The following ADARB2 variants were observed in gnomAD, a reference collection of about 807,000 sequenced individuals.
ADARB2 encodes the protein adenosine deaminase RNA specific B2 (inactive).
Under a neutral mutation model 62.2 loss-of-function variants are expected in ADARB2, and 25 were observed. The ratio of observed to expected loss-of-function variants is 0.40; its 90% confidence interval spans 0.29 to 0.56. The LOEUF (loss-of-function observed/expected upper bound fraction) is 0.56. Ranked by LOEUF, ADARB2 falls within the 20% of genes least tolerant of loss-of-function variation. ADARB2 has a pLI of 0.43. For missense variants in ADARB2, 1,071 were observed against 1,077.4 expected, an observed-to-expected ratio of 0.99 and a Z score of 0.08; for synonymous variants, 572 against 500.8, an observed-to-expected ratio of 1.14 and a Z score of -1.90.
chr10:1,344,583 G>A (rs753046774), intron 3 of ADARB2, among the ~76,000 whole-genome samples: 1 of 152,202 alleles, frequency 6.6e-6, no homozygotes, highest in African/African-American at 2.4e-5. Context: ...GCAGGAGGCC[G>A]ACCCCAGCAC....
intron 6 of ADARB2, among the ~76,000 whole-genome samples, chr10:1,218,475 A>G (rs1830653278): frequency 6.6e-6 from 1 of 152,236 alleles, no homozygotes; most frequent in Admixed American, 6.5e-5. Context: ...ACGTAAGTGA[A>G]TATTAAATGC....
chr10:1,685,685 G>A (rs2119120937), intron 1 of ADARB2, among the ~76,000 whole-genome samples: 1 of 152,354 alleles, frequency 6.6e-6, no homozygotes, highest in Admixed American at 6.5e-5. Context: ...ACAGAGAAAA[G>A]GGAGGCGACG....
chr10:1,433,337 G>T (rs567904368), intron 1 of ADARB2, among the ~76,000 whole-genome samples: 1 of 152,142 alleles, frequency 6.6e-6, no homozygotes, highest in Non-Finnish European at 1.5e-5. Flanking sequence ...TGCCCCACAA[G>T]CCTGCAGGGA....
chr10:1,531,665 TG>T (rs1832242194), intron 1 of ADARB2, among the ~76,000 whole-genome samples: 1 of 152,082 alleles, frequency 6.6e-6, no homozygotes, highest in South Asian at 2.1e-4. Context: ...GATGAAACCC[TG>T]ACTCTACTAA....
At chr10:1,700,313 T>C (rs371625223) in intron 1 of ADARB2, among the ~76,000 whole-genome samples, 12 of 5,202 alleles carry the variant, frequency 2.3e-3, no homozygotes, top group African/African-American at 8.5e-3. Context: ...AATCCCACTC[T>C]ACCAGGAGAC....
chr10:1,640,290 G>A (rs1001423668), intron 1 of ADARB2, among the ~76,000 whole-genome samples: 1 of 152,156 alleles, frequency 6.6e-6, no homozygotes, highest in Admixed American at 6.5e-5. Flanking sequence ...CCTTCTGAAC[G>A]CCTGCTTCTT....
At chr10:1,715,963 C>T (rs929473901) in intron 1 of ADARB2, among the ~76,000 whole-genome samples, 3 of 152,228 alleles carry the variant, frequency 2.0e-5, no homozygotes, top group Admixed American at 2.0e-4. Context: ...ACTTGGTGCA[C>T]CCTGTTCATT....
At chr10:1,402,269 G>T (rs997808537) in intron 1 of ADARB2, among the ~76,000 whole-genome samples, 3 of 152,178 alleles carry the variant, frequency 2.0e-5, no homozygotes, top group African/African-American at 7.2e-5. Flanking sequence ...TGCGCGCGCC[G>T]GTCTGGCCAG....
At chr10:1,558,661 C>T (rs1315567663) in intron 1 of ADARB2, among the ~76,000 whole-genome samples, 1 of 128,722 alleles carries the variant, frequency 7.8e-6, no homozygotes, top group Non-Finnish European at 1.7e-5. Context: ...GGGTGCTCAG[C>T]ACCCCCATGC....
rs1489745405 is a variant in ADARB2 at position 1,209,547 on chromosome 10, ATGCCATCACCCACACCCACAT to A, written c.1682+7383_1682+7403del. ...CACACCTACAGCCTCGCCCACACCC[ATGCCATCACCCACACCCACAT>A]CATCACCCACACTCTCACCATCACC... On this transcript the variant is annotated intron_variant, in intron 7 of 9. Coordinates refer to ENST00000381312, the MANE Select transcript of ADARB2 (RefSeq NM_018702.4). 1.1e-4 allele frequency among the ~76,000 whole-genome samples: 4 copies of A among 35,790 alleles called. No homozygotes were observed. In the South Asian group the frequency reaches 2.7e-3, roughly 24 times the overall value. 23.5% of individuals were successfully genotyped at this position (35,790 alleles called of 152,430 possible).
At chr10:1,314,688 G>C (rs1222818652) in intron 3 of ADARB2, among the ~76,000 whole-genome samples, 1 of 152,206 alleles carries the variant, frequency 6.6e-6, no homozygotes, top group African/African-American at 2.4e-5. Context: ...TGTGATGATA[G>C]TCTGCCAACC....
rs1196466286 is a variant in ADARB2, at chr10:1,554,895, C to G, written c.101-175735G>C. On this transcript the variant is annotated intron_variant, in intron 1 of 9. Coordinates refer to ENST00000381312, the MANE Select transcript of ADARB2 (RefSeq NM_018702.4). ...GTTTTTCAACCCTGTCCCCCTGCCCCCTCCCAGGGTCCATTGCTCCCATCT... is the reference window on the plus strand; with the variant it reads ...GTTTTTCAACCCTGTCCCCCTGCCCGCTCCCAGGGTCCATTGCTCCCATCT... Among the ~76,000 whole-genome samples, 4 of 152,230 alleles carry G rather than the reference C, an allele frequency of 2.6e-5. No individual in the cohort carries two copies. The East Asian group carries it at 7.7e-4, about 29-fold the overall frequency.
At chr10:1,666,892 GA>G (rs1252457231) in intron 1 of ADARB2, among the ~76,000 whole-genome samples, 1 of 152,198 alleles carries the variant, frequency 6.6e-6, no homozygotes, top group Non-Finnish European at 1.5e-5. Flanking sequence ...GGGTTTTGTA[GA>G]CCCATTTGCT....
intron 1 of ADARB2, among the ~76,000 whole-genome samples, chr10:1,576,105 GC>G (rs1833014248): frequency 6.8e-5 from 3 of 44,190 alleles, no homozygotes; most frequent in African/African-American, 1.1e-4. Flanking sequence ...ACGGGAGGGG[GC>G]TCAGAGTCAC....
intron 3 of ADARB2, among the ~76,000 whole-genome samples, chr10:1,337,924 A>G (rs1419320564): frequency 6.6e-6 from 1 of 152,160 alleles, no homozygotes; most frequent in African/African-American, 2.4e-5. Context: ...CCTCGTGCAC[A>G]CTATACACAC....
chr10:1,242,018 T>A, intron 5 of ADARB2, 113 bp downstream of exon 5: 1 of 1,175,964 alleles, frequency 8.5e-7, no homozygotes, highest in Non-Finnish European at 1.2e-6. Flanking sequence ...TGGCTCACCC[T>A]GTGCCAGGAT....
chr10:1,734,497 C>G (rs887615280), intron 1 of ADARB2, among the ~76,000 whole-genome samples: 10 of 152,120 alleles, frequency 6.6e-5, no homozygotes, highest in Admixed American at 3.3e-4. Context: ...AGAAGCATAT[C>G]ATGCCAAAGT....
chr10:1,218,943 G>A (rs1023415178), intron 6 of ADARB2, among the ~76,000 whole-genome samples: 11 of 151,656 alleles, frequency 7.3e-5, no homozygotes, highest in East Asian at 1.9e-4. Context: ...CCAGCTACTC[G>A]GGAGGCTGAG....
chr10:1,402,391 C>G (rs945474022), intron 1 of ADARB2, among the ~76,000 whole-genome samples: 2 of 151,888 alleles, frequency 1.3e-5, no homozygotes, highest in African/African-American at 4.8e-5. Context: ...CTGGTGGGGT[C>G]GGGGGAGAAT....
Sources: gnomAD v4.1 joint callset for allele counts (sites outside exome capture counted in the v4.1 genomes callset) on GRCh38, gnomAD v4.1.1 for gene constraint, MANE v1.5 for transcripts, NCBI Gene and HGNC (gene_info 2026-07-23, HGNC 2026-07-21) for gene names.